TRIB2: variants seen among roughly 807,000 people sequenced by gnomAD.
The protein encoded by TRIB2 is tribbles homolog 2.
In TRIB2, 2 loss-of-function variants were observed where a neutral mutation model predicts 26.8. That is an observed-to-expected ratio of 0.07 (90% CI 0.03 to 0.24). The LOEUF is 0.24. TRIB2 is among the 10% of genes least tolerant of loss of function. TRIB2 has a pLI of 1.00. For missense variants in TRIB2, 306 were observed against 449.0 expected (o/e 0.68, Z 2.88); for synonymous variants, 189 against 187.3 (o/e 1.01, Z -0.08).
chr2:12,718,232 G>T lies in TRIB2; in HGVS notation c.-76G>T. On this transcript the variant is annotated 5_prime_UTR_variant, in exon 1 of 3. Coordinates refer to ENST00000155926, the MANE Select transcript of TRIB2 (RefSeq NM_021643.4). This position sits in a 1 kb window ranked among gnomAD's most constrained non-coding sequence, Gnocchi z 4.0. The stretch of plus-strand genomic sequence containing the variant: ...CTTTTAAAATCAGTGGCACCGAGGC[G>T]CCTGCAGCCGCACTCGCCAGCGACT... 3.2e-6 allele frequency: 5 copies of T among 1,545,116 alleles called. No individual in the cohort carries two copies. Among genetic ancestry groups the T allele is most frequent in the East Asian group, 2.3e-5 (1 of 44,150 alleles).
chr2:12,740,417 G>C lies in TRIB2; in HGVS notation c.655G>C (p.Val219Leu). The change falls in exon 3 of 3, where the codon GTA becomes CTA. Residue 219 changes from valine (V) to leucine (L), a missense_variant. Val to Leu is a conservative substitution (Grantham distance 32). Around this residue, in one of 4 missense-constraint regions of TRIB2, gnomAD observed 118 missense variants for 188.8 expected, o/e 0.63. Transcript: ENST00000155926. This position sits in a 1 kb window ranked among gnomAD's most constrained non-coding sequence, Gnocchi z 5.8. ...CGACAAGCATGGCTGCCCGGCTTAC[G>C]TAAGCCCAGAGATCTTGAACACCAG... ...LSDKHGCPAY[V>L]SPEILNTSGS... is the part of the protein sequence containing the mutation. 2 of 1,614,146 alleles carry C rather than the reference G, an allele frequency of 1.2e-6. No homozygotes were observed. The highest frequency in any genetic ancestry group is 8.5e-7 in the Non-Finnish European group (1 of 1,180,036).
intron 2 of TRIB2, among the ~76,000 whole-genome samples, chr2:12,727,157 G>C (rs1322243509): frequency 3.3e-5 from 5 of 152,170 alleles, no homozygotes; most frequent in Non-Finnish European, 1.5e-5. Context: ...CCTGATCTTG[G>C]ATAAGTCATT....
At chr2:12,722,800 G>A (rs1661253163) in intron 1 of TRIB2, among the ~76,000 whole-genome samples, 1 of 152,140 alleles carries the variant, frequency 6.6e-6, no homozygotes, top group Non-Finnish European at 1.5e-5. Context: ...TTGCTCATGT[G>A]TTGTATAATG....
At chr2:12,729,076 C>G (rs1661395194) in intron 2 of TRIB2, among the ~76,000 whole-genome samples, 1 of 152,122 alleles carries the variant, frequency 6.6e-6, no homozygotes, top group Non-Finnish European at 1.5e-5. Context: ...CCTGGAATTC[C>G]CTTATTTATG....
Position 12,742,643 on chromosome 2 carries a change from G to GA in TRIB2, c.*1850dup, listed in dbSNP as rs1366851398. On this transcript the variant is annotated 3_prime_UTR_variant, in exon 3 of 3. Coordinates refer to ENST00000155926, the MANE Select transcript of TRIB2 (RefSeq NM_021643.4). The stretch of plus-strand genomic sequence containing the variant: ...AGAGGTTGGTGACATGCATGGTGGG[G>GA]ATCTATGGCCTCTGGTGCTTTGTCC... The GA allele has an allele frequency of 6.6e-6, 1 of 152,478 alleles. No individual in the cohort carries two copies. Among genetic ancestry groups the GA allele is most frequent in the Non-Finnish European group, 1.5e-5 (1 of 68,018 alleles). 9.4% of individuals were successfully genotyped at this position (152,478 alleles called of 1,614,324 possible).
chr2:12,724,726 C>T (rs373317792), intron 2 of TRIB2: 2 of 1,612,896 alleles, frequency 1.2e-6, no homozygotes. Context: ...CCACCCTCCC[C>T]CTACCAGCCT....
rs190915348 is a variant in TRIB2 at position 12,724,698 on chromosome 2, T to C, written c.563+1146T>C. 3.9e-4 allele frequency: 624 copies of C among 1,612,928 alleles called. 4 individuals carry two copies. Among genetic ancestry groups the C allele is most frequent in the Non-Finnish European group, 5.7e-5 (67 of 1,179,894 alleles). ...CTTCGATACCCTCTGTGATCTTGGA[T>C]TGGTCCTTCGTCTGTTTCCACCCTC... On this transcript the variant is annotated intron_variant, in intron 2 of 2. Coordinates refer to ENST00000155926, the MANE Select transcript of TRIB2 (RefSeq NM_021643.4).
intron 2 of TRIB2, among the ~76,000 whole-genome samples, chr2:12,738,787 ACCG>A (rs1456561457): frequency 6.6e-6 from 1 of 152,140 alleles, no homozygotes; most frequent in Non-Finnish European, 1.5e-5. Context: ...TGAACAAGTC[ACCG>A]CGCATCCTGG....
At position 12,718,178 on chromosome 2, in the gene TRIB2, C is replaced by T. The variant is rs1002003093; in HGVS notation, c.-130C>T. On this transcript the variant is annotated 5_prime_UTR_variant, in exon 1 of 3. Coordinates refer to ENST00000155926, the MANE Select transcript of TRIB2 (RefSeq NM_021643.4). The surrounding 1 kb of genome is among the most constrained non-coding windows in gnomAD (Gnocchi z 4.0). ...GCTTCTAACTCTTTCTCCACGCAGC[C>T]CCTCTTCTGTCCCCTCCCCTCTCGC... The T allele has an allele frequency of 9.6e-6, 12 of 1,246,634 alleles. No individual in the cohort carries two copies. Among genetic ancestry groups the T allele is most frequent in the Middle Eastern group, 2.8e-4 (1 of 3,586 alleles). 77.2% of individuals were successfully genotyped at this position (1,246,634 alleles called of 1,614,324 possible).
Position 12,723,569 on chromosome 2 carries a change from C to T in TRIB2, c.563+17C>T. The T allele has an allele frequency of 6.2e-7, 1 of 1,609,440 alleles. No homozygotes were observed. Among genetic ancestry groups the T allele is most frequent in the South Asian group, 1.1e-5 (1 of 90,376 alleles). ...CGAAGAGAGGTAGGTCTCATCCTGTCCAGACCTGGGTACTGTGATGGACTG... is the reference window on the plus strand; with the variant it reads ...CGAAGAGAGGTAGGTCTCATCCTGTTCAGACCTGGGTACTGTGATGGACTG... On this transcript the variant is annotated intron_variant, in intron 2 of 2. Coordinates refer to ENST00000155926, the MANE Select transcript of TRIB2 (RefSeq NM_021643.4).
Position 12,740,762 on chromosome 2 carries a change from A to G in TRIB2, c.1000A>G (p.Met334Val), listed in dbSNP as rs199647863. 7 of 1,614,148 alleles carry G rather than the reference A, an allele frequency of 4.3e-6. No individual in the cohort carries two copies. In the Admixed American group the frequency reaches 8.3e-5, roughly 19 times the overall value. ...TGACCAGCTGGTGCCGGACGTCAAC[A>G]TGGAAGAGAACTTGGACCCTTTCTT... ...VSDQLVPDVN[M>V]EENLDPFFN Residue 334 changes from methionine (M) to valine (V), a missense_variant, in exon 3 of 3, where the codon ATG becomes GTG. Met to Val is a conservative substitution (Grantham distance 21, BLOSUM62 1). Transcript: ENST00000155926. The surrounding 1 kb of genome is among the most constrained non-coding windows in gnomAD (Gnocchi z 5.8).
At position 12,740,318 on chromosome 2, in the gene TRIB2, TC is replaced by T; in HGVS notation, c.564-7del. The T allele has an allele frequency of 6.2e-7, 1 of 1,611,046 alleles. No homozygotes were observed. The highest frequency in any genetic ancestry group is 8.5e-7 in the Non-Finnish European group (1 of 1,177,690). On this transcript the variant is annotated splice_region_variant and splice_polypyrimidine_tract_variant and intron_variant, in intron 2 of 2. Transcript: ENST00000155926. The surrounding 1 kb of genome is among the most constrained non-coding windows in gnomAD (Gnocchi z 5.8). ...CTCAGGAGCTTATGTTTTCCTCCTT[TC>T]TTGCAGGACTCGGGTCAAGCTGGAA...
At position 12,719,261 on chromosome 2, in the gene TRIB2, C is replaced by T. The variant is rs1666671146; in HGVS notation, c.270+684C>T. On this transcript the variant is annotated intron_variant, in intron 1 of 2. Coordinates refer to ENST00000155926, the MANE Select transcript of TRIB2 (RefSeq NM_021643.4). ...CTAGACTTCCCTGTCTGCTCATCCC[C>T]TCTCTTCCGTGCCCCCCTGAACAAC... Among the ~76,000 whole-genome samples, 3 of 152,110 alleles carry T rather than the reference C, an allele frequency of 2.0e-5. No individual in the cohort carries two copies. In the South Asian group the frequency reaches 6.2e-4, roughly 32 times the overall value.
chr2:12,725,123 C>G (rs917237306), intron 2 of TRIB2, among the ~76,000 whole-genome samples: 1 of 152,190 alleles, frequency 6.6e-6, no homozygotes, highest in Non-Finnish European at 1.5e-5. Context: ...AGTCAGCTCT[C>G]AAGAAATTCA....
chr2:12,740,491 G>A lies in TRIB2; in HGVS notation c.729G>A (p.Met243Ile), dbSNP rs1314980396. 1 of 1,614,092 alleles carries A rather than the reference G, an allele frequency of 6.2e-7. No individual in the cohort carries two copies. The highest frequency in any genetic ancestry group is 8.5e-7 in the Non-Finnish European group (1 of 1,180,024). ...CCGACGTGTGGAGCCTGGGGGTGAT[G>A]CTGTACACCATGTTGGTGGGGCGGT... Reference protein sequence around the residue: ...KAADVWSLGVMLYTMLVGRYP... With the variant: ...KAADVWSLGVILYTMLVGRYP... Residue 243 changes from methionine to isoleucine, a missense_variant, in exon 3 of 3, where the codon ATG becomes ATA. Around this residue, in one of 4 missense-constraint regions of TRIB2, gnomAD observed 11 missense variants for 48.7 expected, o/e 0.23. Coordinates refer to ENST00000155926, the MANE Select transcript of TRIB2 (RefSeq NM_021643.4). This position sits in a 1 kb window ranked among gnomAD's most constrained non-coding sequence, Gnocchi z 5.8.
Position 12,742,437 on chromosome 2 carries a change from G to A in TRIB2, c.*1643G>A, listed in dbSNP as rs1268770091. 2 of 152,596 alleles carry A rather than the reference G, an allele frequency of 1.3e-5. No individual in the cohort carries two copies. The highest frequency in any genetic ancestry group is 2.4e-5 in the African/African-American group (1 of 41,434). 9.5% of individuals were successfully genotyped at this position (152,596 alleles called of 1,614,324 possible). A position where few individuals can be genotyped will look rare whatever the true frequency, so the allele number is the denominator to read the frequency against. On this transcript the variant is annotated 3_prime_UTR_variant, in exon 3 of 3. Coordinates refer to ENST00000155926, the MANE Select transcript of TRIB2 (RefSeq NM_021643.4). ...CCTGTCCTCACGTTCCCAGGAGGGC[G>A]GCTTCACCCTTCGTAACCAGGAGAC...
chr2:12,731,448 A>G (rs1661456398), intron 2 of TRIB2, among the ~76,000 whole-genome samples: 1 of 152,130 alleles, frequency 6.6e-6, no homozygotes, highest in African/African-American at 2.4e-5. Flanking sequence ...TTCCGGAAGT[A>G]CATGTGAAAG....
chr2:12,724,747 C>T (rs768041128), intron 2 of TRIB2: 2 of 1,612,828 alleles, frequency 1.2e-6, no homozygotes, highest in Non-Finnish European at 1.7e-6. Flanking sequence ...CATATTTCTC[C>T]TTCTGTTACC....
At position 12,740,861 on chromosome 2, in the gene TRIB2, G is replaced by A. The variant is rs752713346; in HGVS notation, c.*67G>A. 34 of 1,431,710 alleles carry A rather than the reference G, an allele frequency of 2.4e-5. No individual in the cohort carries two copies. Among genetic ancestry groups the A allele is most frequent in the Admixed American group, 1.2e-4 (6 of 51,122 alleles). The allele number at this position is 1,431,710 out of a possible 1,614,324, so 88.7% of individuals were successfully genotyped here. A position where few individuals can be genotyped will look rare whatever the true frequency, so the allele number is the denominator to read the frequency against. Reference sequence around the variant, plus strand: ...GAGGGCAGCGGAAAGGAGTTCTTCCGGGGGACACGAATTGCCTGGCTGAGT... The same window carrying A: ...GAGGGCAGCGGAAAGGAGTTCTTCCAGGGGACACGAATTGCCTGGCTGAGT... On this transcript the variant is annotated 3_prime_UTR_variant, in exon 3 of 3. Coordinates refer to ENST00000155926, the MANE Select transcript of TRIB2 (RefSeq NM_021643.4). The surrounding 1 kb of genome is among the most constrained non-coding windows in gnomAD (Gnocchi z 5.8).
Sources: allele counts gnomAD v4.1 joint callset (sites outside exome capture counted in the v4.1 genomes callset), GRCh38; gene constraint gnomAD v4.1.1; regional missense constraint gnomAD v4.1.1; non-coding constraint Gnocchi (gnomAD v3.1); transcripts MANE v1.5; gene names NCBI Gene and HGNC (gene_info 2026-07-23, HGNC 2026-07-21).